CSTF2: variants seen among roughly 807,000 people sequenced by gnomAD.
CSTF2 encodes CF-1 64 kDa subunit.
In CSTF2, 8 loss-of-function variants were observed where a neutral mutation model predicts 45.4. That is an observed-to-expected ratio of 0.18 (90% confidence interval 0.10 to 0.32). The LOEUF is 0.32. Ranked by LOEUF, CSTF2 falls within the 10% of genes least tolerant of loss-of-function variation. The probability of loss-of-function intolerance (pLI) is 1.00; values close to 1 mark genes in which losing one functional copy is unlikely to be tolerated. For missense variants in CSTF2, 253 were observed against 477.1 expected (o/e 0.53, Z 4.38); for synonymous variants, 155 against 158.9 (o/e 0.98, Z 0.18).
At chrX:100,830,736 G>A in intron 8 of CSTF2, 2 of 755,965 alleles carry the variant, frequency 2.6e-6, no homozygotes, top group Middle Eastern at 2.9e-4. Context: ...CCATGTGTGT[G>A]TGTTTCTGCG....
At chrX:100,820,684 T>C in intron 1 of CSTF2, 1 of 516,278 alleles carries the variant, frequency 1.9e-6, no homozygotes, top group Non-Finnish European at 3.6e-6. Context: ...GTGGGGAAGT[T>C]AGACTAGCGT....
intron 11 of CSTF2, among the ~76,000 whole-genome samples, chrX:100,835,547 CTTTT>C (rs3031093): frequency 9.9e-6 from 1 of 100,812 alleles, no homozygotes; most frequent in African/African-American, 3.6e-5. Context: ...TGTTCTATAC[CTTTT>C]TTTTTTTTAA....
intron 12 of CSTF2, among the ~76,000 whole-genome samples, chrX:100,837,653 G>A (rs963727476): frequency 8.9e-6 from 1 of 112,265 alleles, no homozygotes; most frequent in Non-Finnish European, 1.9e-5. Flanking sequence ...AAGTTCTTAA[G>A]TGGATGTAAA....
intron 6 of CSTF2, among the ~76,000 whole-genome samples, chrX:100,825,618 G>C (rs985222531): frequency 9.0e-6 from 1 of 111,545 alleles, no homozygotes; most frequent in Non-Finnish European, 1.9e-5. Flanking sequence ...GGCTTTGCAA[G>C]TCACAGGATC....
At chrX:100,830,752 A>G (rs1444819820) in intron 8 of CSTF2, 3 of 906,180 alleles carry the variant, frequency 3.3e-6, no homozygotes, top group East Asian at 6.8e-5. Flanking sequence ...CTGCGTGTGT[A>G]TGCAAGCTAT....
intron 11 of CSTF2, among the ~76,000 whole-genome samples, chrX:100,837,105 A>G (rs1355669846): frequency 8.9e-6 from 1 of 112,064 alleles, no homozygotes; most frequent in African/African-American, 3.2e-5. Flanking sequence ...GCTGTGTAAT[A>G]TTTGTTGATG....
chrX:100,830,841 G>A (rs1434820376), intron 8 of CSTF2: 2 of 1,152,925 alleles, frequency 1.7e-6, no homozygotes, highest in Non-Finnish European at 2.3e-6. Flanking sequence ...GGACCCGCCG[G>A]GCCTGCATCA....
At chrX:100,833,057 A>G (rs2084985311) in intron 10 of CSTF2, 123 bp from the exon 11 acceptor site, 2 of 978,702 alleles carry the variant, frequency 2.0e-6, no homozygotes, top group Non-Finnish European at 2.8e-6. Context: ...CAATAGTCTC[A>G]TATGTTAATA....
chrX:100,828,184 A>G (rs2084954908), intron 8 of CSTF2, 82 bp downstream of exon 8: 6 of 698,479 alleles, frequency 8.6e-6, no homozygotes, highest in Non-Finnish European at 1.3e-5. Flanking sequence ...GGCAGCCACT[A>G]ACCACCCATG....
intron 3 of CSTF2, 186 bp downstream of exon 3, chrX:100,822,606 A>AT (rs1056585277): frequency 3.7e-5 from 16 of 438,001 alleles, no homozygotes; most frequent in South Asian, 6.9e-5. Flanking sequence ...CTTTTTATAA[A>AT]TTTTTTTTCA....
At chrX:100,822,508 C>T in intron 3 of CSTF2, 88 bp downstream of exon 3, 1 of 972,809 alleles carries the variant, frequency 1.0e-6, no homozygotes, top group Non-Finnish European at 1.4e-6. Flanking sequence ...TTAGAATATG[C>T]TGAAATGGTT....
intron 9 of CSTF2, among the ~76,000 whole-genome samples, chrX:100,832,048 C>T (rs1200947748): frequency 9.0e-6 from 1 of 110,657 alleles, no homozygotes; most frequent in African/African-American, 3.3e-5. Context: ...GAAATCCCAT[C>T]TCTACTAAAA....
intron 8 of CSTF2, 43 bp from the exon 9 acceptor site, chrX:100,831,472 T>C: frequency 8.3e-7 from 1 of 1,203,650 alleles, no homozygotes. Flanking sequence ...TGTTTGCTTA[T>C]GTGTCTTTCA....
intron 11 of CSTF2, among the ~76,000 whole-genome samples, chrX:100,833,988 G>T (rs1382584886): frequency 1.8e-5 from 2 of 111,799 alleles, no homozygotes; most frequent in Non-Finnish European, 3.8e-5. Context: ...TTAATTTATT[G>T]TCATCACATA....
At chrX:100,823,507 T>A in intron 4 of CSTF2, 79 bp downstream of exon 4, 1 of 1,089,177 alleles carries the variant, frequency 9.2e-7, no homozygotes, top group Non-Finnish European at 1.3e-6. Flanking sequence ...TTCCCTGAGC[T>A]CAAATAGAAA....
chrX:100,831,579 T>C lies in CSTF2; in HGVS notation c.954T>C (p.Pro318=), dbSNP rs1184574018. The change falls in exon 9 of 14, where the codon CCT becomes CCC. Residue 318 remains proline, a synonymous_variant. Coordinates refer to ENST00000372972, the MANE Select transcript of CSTF2 (RefSeq NM_001325.3). ...CCTTGCCTGCGAATGTCCCAACCCC[T>C]CGAGGCTTGTTAGGAGATGCTCCGA... ...RGSLPANVPT[P]RGLLGDAPND... 1.7e-6 allele frequency: 2 copies of C among 1,211,080 alleles called. No homozygotes were observed. Among genetic ancestry groups the C allele is most frequent in the Admixed American group, 2.2e-5 (1 of 45,989 alleles).
intron 9 of CSTF2, among the ~76,000 whole-genome samples, chrX:100,832,197 A>G (rs2084979736): frequency 8.9e-6 from 1 of 112,060 alleles, no homozygotes; most frequent in Non-Finnish European, 1.9e-5. Flanking sequence ...AGCCTGGGCA[A>G]CAAGAGTGAA....
At chrX:100,825,965 G>C (rs1351411373) in intron 6 of CSTF2, among the ~76,000 whole-genome samples, 2 of 111,210 alleles carry the variant, frequency 1.8e-5, no homozygotes, top group Non-Finnish European at 3.8e-5. Flanking sequence ...GTAGAGTTTT[G>C]TGTTCCTTAA....
At chrX:100,820,787 C>G (rs1242593910) in intron 1 of CSTF2, 7 of 403,688 alleles carry the variant, frequency 1.7e-5, no homozygotes, top group South Asian at 2.9e-5. Context: ...CGTACTACTT[C>G]TCATCCTCTG....
Sources: gnomAD v4.1 joint callset for allele counts (sites outside exome capture counted in the v4.1 genomes callset) on GRCh38, gnomAD v4.1.1 for gene constraint, MANE v1.5 for transcripts, NCBI Gene and HGNC (gene_info 2026-07-23, HGNC 2026-07-21) for gene names.